KAZN: variants seen among roughly 807,000 people sequenced by gnomAD.
KAZN encodes the protein kazrin.
A neutral mutation model predicts 87.4 loss-of-function variants in KAZN; 40 were observed. The observed-to-expected ratio is 0.46, with a 90% CI of 0.36 to 0.60. The LOEUF is 0.60. KAZN is among the 20% of genes least tolerant of loss of function. The probability of loss-of-function intolerance (pLI) is 0.00; values close to 1 mark genes in which losing one functional copy is unlikely to be tolerated. For missense variants in KAZN, 898 were observed against 1,073.9 expected, an observed-to-expected ratio of 0.84 and a Z score of 2.29; for synonymous variants, 466 against 458.3, an observed-to-expected ratio of 1.02 and a Z score of -0.22.
intron 1 of KAZN, among the ~76,000 whole-genome samples, chr1:14,693,158 C>T (rs866299334): frequency 2.0e-5 from 3 of 152,178 alleles, no homozygotes; most frequent in Admixed American, 6.5e-5. Flanking sequence ...GGACAGTGGT[C>T]CTCAAGGTTG....
chr1:14,342,701 G>A (rs1476754083), intron 2 of KAZN, among the ~76,000 whole-genome samples: 3 of 152,328 alleles, frequency 2.0e-5, no homozygotes, highest in Non-Finnish European at 4.4e-5. Flanking sequence ...GTTGGGGGAG[G>A]ATGTGGATCC....
At chr1:14,575,782 G>A (rs6429669) in intron 2 of KAZN, among the ~76,000 whole-genome samples, 144,607 of 152,298 alleles carry the variant, frequency 0.95, 69,170 homozygotes, top group East Asian at 1. Flanking sequence ...GATATTTTTC[G>A]AGCCACTGAA....
At chr1:14,719,371 C>T (rs1045630276) in intron 1 of KAZN, among the ~76,000 whole-genome samples, 8 of 152,170 alleles carry the variant, frequency 5.3e-5, no homozygotes, top group Non-Finnish European at 5.9e-5. Flanking sequence ...CCTCATGGGG[C>T]TTAGATTCTA....
chr1:14,354,689 A>ACACAC (rs1571373223), intron 2 of KAZN, among the ~76,000 whole-genome samples: 13 of 80,664 alleles, frequency 1.6e-4, no homozygotes, highest in South Asian at 5.0e-4. Context: ...CACACACACA[A>ACACAC]ACAAACCTGA....
At chr1:14,392,762 G>C (rs1231909401) in intron 2 of KAZN, among the ~76,000 whole-genome samples, 2 of 152,114 alleles carry the variant, frequency 1.3e-5, no homozygotes, top group African/African-American at 4.8e-5. Flanking sequence ...GGGGGTGGGG[G>C]GACAAAACTG....
chr1:14,633,418 C>T (rs994263170), intron 1 of KAZN, among the ~76,000 whole-genome samples: 1 of 152,074 alleles, frequency 6.6e-6, no homozygotes, highest in Non-Finnish European at 1.5e-5. Flanking sequence ...TAGAGAGATG[C>T]CATTGCTAGA....
At chr1:14,499,340 G>A (rs1014479693) in intron 2 of KAZN, among the ~76,000 whole-genome samples, 1 of 152,114 alleles carries the variant, frequency 6.6e-6, no homozygotes, top group African/African-American at 2.4e-5. Context: ...CACTTTTTGG[G>A]GTGGATGCTC....
chr1:14,828,502 G>A (rs1646963327), intron 1 of KAZN, among the ~76,000 whole-genome samples: 1 of 152,160 alleles, frequency 6.6e-6, no homozygotes, highest in African/African-American at 2.4e-5. Context: ...TGAGCTCTGG[G>A]ATTGATTCTC....
At chr1:14,194,836 G>A (rs576263645) in intron 2 of KAZN, among the ~76,000 whole-genome samples, 15 of 152,246 alleles carry the variant, frequency 9.9e-5, no homozygotes, top group Admixed American at 8.5e-4. Context: ...GGAGTAGTTT[G>A]TATAATTTGG....
In KAZN at chr1:14,193,976, C is replaced by T. The variant is rs572150576; in HGVS notation, c.249+13384C>T. ...TAATTTGTTGATTCCCTATTATTGGCTTCCCTGGGTGACTGGAAGTTGTCA... is the reference window on the plus strand; with the variant it reads ...TAATTTGTTGATTCCCTATTATTGGTTTCCCTGGGTGACTGGAAGTTGTCA... On this transcript the variant is annotated intron_variant, in intron 2 of 16. Transcript: ENST00000636203. Among the ~76,000 whole-genome samples the T allele has an allele frequency of 3.9e-5, 6 of 152,236 alleles. No homozygotes were observed. The East Asian group carries it at 9.7e-4, about 25-fold the overall frequency.
chr1:14,169,773 T>C (rs1570927658), intron 1 of KAZN, among the ~76,000 whole-genome samples: 1 of 152,318 alleles, frequency 6.6e-6, no homozygotes, highest in South Asian at 2.1e-4. Context: ...GTACTTCAGT[T>C]ATATTACTTA....
chr1:14,302,360 G>A (rs1380694440), intron 2 of KAZN, among the ~76,000 whole-genome samples: 1 of 152,198 alleles, frequency 6.6e-6, no homozygotes, highest in African/African-American at 2.4e-5. Context: ...ACCAAAGGAC[G>A]TGAAGAAGTG....
At chr1:14,720,549 C>A (rs1643040275) in intron 1 of KAZN, among the ~76,000 whole-genome samples, 2 of 151,402 alleles carry the variant, frequency 1.3e-5, no homozygotes, top group Admixed American at 6.5e-5. Flanking sequence ...TCTGACAAAC[C>A]ATCTTCTGTC....
At position 13,945,706 on chromosome 1, in the gene KAZN, T is replaced by TGAGAGAGA. The variant is rs1422921953; in HGVS notation, c.91+51951_91+51952insAGAGAGAG. 8.7e-3 allele frequency among the ~76,000 whole-genome samples: 1,225 copies of TGAGAGAGA among 140,530 alleles called. 7 individuals are homozygous for TGAGAGAGA. Among genetic ancestry groups the TGAGAGAGA allele is most frequent in the African/African-American group, 0.03 (1,150 of 37,706 alleles). The allele number at this position is 140,530 out of a possible 152,430, so 92.2% of individuals were successfully genotyped here. ...GTGTGTGTGTGTGTGTGTGTGTGTG[T>TGAGAGAGA]GTGTGAGAGAGAGAGAGAGAGAGAG... On this transcript the variant is annotated intron_variant, in intron 1 of 16. Coordinates refer to the KAZN transcript ENST00000636203.
At chr1:15,053,778 G>A (rs979185510) in intron 4 of KAZN, among the ~76,000 whole-genome samples, 7 of 152,248 alleles carry the variant, frequency 4.6e-5, no homozygotes, top group East Asian at 1.9e-4. Flanking sequence ...TGCACAGAGC[G>A]CGTGAGGGTG....
intron 5 of KAZN, among the ~76,000 whole-genome samples, chr1:15,059,937 G>A (rs964230174): frequency 1.3e-5 from 2 of 152,212 alleles, no homozygotes; most frequent in Admixed American, 1.3e-4. Context: ...GTTCACGCTG[G>A]TGGAGGAGGG....
chr1:14,086,932 A>G (rs1056271615), intron 1 of KAZN, among the ~76,000 whole-genome samples: 4 of 152,194 alleles, frequency 2.6e-5, no homozygotes, highest in African/African-American at 9.6e-5. Context: ...TGATATCTTC[A>G]GCTTTATAAT....
intron 2 of KAZN, among the ~76,000 whole-genome samples, chr1:14,455,422 G>T (rs551178787): frequency 6.6e-6 from 1 of 152,098 alleles, no homozygotes; most frequent in Non-Finnish European, 1.5e-5. Flanking sequence ...AGAATACCGG[G>T]ATGCGGGGAT....
At chr1:14,909,014 G>T (rs1656926160) in intron 1 of KAZN, among the ~76,000 whole-genome samples, 1 of 152,070 alleles carries the variant, frequency 6.6e-6, no homozygotes, top group South Asian at 2.1e-4. Flanking sequence ...ACTGGAGCCA[G>T]AACACCTGGT....
Sources: gnomAD v4.1 joint callset for allele counts (sites outside exome capture counted in the v4.1 genomes callset) on GRCh38, gnomAD v4.1.1 for gene constraint, MANE v1.5 for transcripts, NCBI Gene and HGNC (gene_info 2026-07-23, HGNC 2026-07-21) for gene names.